Variants in PAPPA observed in about 807,000 individuals in gnomAD.
PAPPA encodes the protein pappalysin 1, also known as pappalysin-1.
In PAPPA, 60 loss-of-function variants were observed where a neutral mutation model predicts 164.0. The observed-to-expected ratio is 0.37, with a 90% CI of 0.30 to 0.45. The LOEUF (loss-of-function observed/expected upper bound fraction) is 0.45. Among genes scored for constraint, PAPPA ranks in the 20% least tolerant of loss-of-function variants. PAPPA has a pLI of 1.00. For missense variants in PAPPA, 1,782 were observed against 2,087.3 expected (o/e 0.85, Z 2.85); for synonymous variants, 875 against 814.1 (o/e 1.07, Z -1.27).
chr9:116,236,132 G>A (rs1844662303), intron 7 of PAPPA, among the ~76,000 whole-genome samples: 1 of 152,152 alleles, frequency 6.6e-6, no homozygotes, highest in African/African-American at 2.4e-5. Flanking sequence ...AATTGTGCTG[G>A]AAAGTGAATA....
intron 1 of PAPPA, among the ~76,000 whole-genome samples, chr9:116,175,739 T>C (rs1042153700): frequency 6.6e-6 from 1 of 152,038 alleles, no homozygotes; most frequent in Non-Finnish European, 1.5e-5. Context: ...TGATACAGGG[T>C]GGTGATAGAC....
Position 116,398,598 on chromosome 9 carries a change from G to A in PAPPA, c.*1982G>A, listed in dbSNP as rs1020449565. 9.8e-6 allele frequency: 12 copies of A among 1,227,664 alleles called. No homozygotes were observed. The African/African-American group carries it at 1.7e-4, about 17-fold the overall frequency. 76.0% of individuals were successfully genotyped at this position (1,227,664 alleles called of 1,614,324 possible). On this transcript the variant is annotated 3_prime_UTR_variant, in exon 22 of 22. Coordinates refer to ENST00000328252, the MANE Select transcript of PAPPA (RefSeq NM_002581.5). ...AGAAGACATCTATTGGCCATCTCTG[G>A]CCAATTACACTAAGAAACATATCAA...
Position 116,187,415 on chromosome 9 carries a change from G to C in PAPPA, c.677G>C (p.Gly226Ala). 6.2e-7 allele frequency: 1 copy of C among 1,614,056 alleles called. No homozygotes were observed. Among genetic ancestry groups the C allele is most frequent in the Non-Finnish European group, 8.5e-7 (1 of 1,180,030 alleles). ...QVATSGEQVG[G>A]IFSPLTQKCK... ...GCCACCTCTGGGGAACAAGTGGGTGGCATATTCAGCCCACTGACCCAGAAG... is the reference window on the plus strand; with the variant it reads ...GCCACCTCTGGGGAACAAGTGGGTGCCATATTCAGCCCACTGACCCAGAAG... Residue 226 changes from glycine (G) to alanine (A), a missense_variant, in exon 2 of 22, where the codon GGC (glycine) becomes GCC (alanine). By Grantham distance (60) the Gly-to-Ala change is moderately conservative (BLOSUM62 0). This residue lies in a region of PAPPA where 458 missense variants were observed against 430.3 expected (regional missense o/e 1.06). Transcript: ENST00000328252. The surrounding 1 kb of genome is among the most constrained non-coding windows in gnomAD (Gnocchi z 4.2).
intron 7 of PAPPA, among the ~76,000 whole-genome samples, chr9:116,261,428 A>G (rs1053330510): frequency 6.6e-6 from 1 of 152,128 alleles, no homozygotes; most frequent in Non-Finnish European, 1.5e-5. Flanking sequence ...TTCCTCCTAT[A>G]TGACTTTTTT....
chr9:116,305,455 CTT>C (rs1845634106), intron 10 of PAPPA, among the ~76,000 whole-genome samples: 1 of 83,108 alleles, frequency 1.2e-5, no homozygotes, highest in Admixed American at 1.6e-4. Context: ...TACTCTCCCT[CTT>C]CTCTCTCTCT....
At chr9:116,231,750 C>T (rs78970634) in intron 6 of PAPPA, among the ~76,000 whole-genome samples, 8 of 29,306 alleles carry the variant, frequency 2.7e-4, no homozygotes, top group Middle Eastern at 0.026. Context: ...AGTGGTTTTT[C>T]TTTTCTTTTC....
chr9:116,212,076 C>T (rs1004206345), intron 4 of PAPPA, 144 bp downstream of exon 4: 10 of 699,426 alleles, frequency 1.4e-5, no homozygotes, highest in Admixed American at 2.5e-5. Context: ...TAATGTCTTT[C>T]GGTCATTCTC....
At chr9:116,224,858 G>A (rs1844485776) in intron 5 of PAPPA, among the ~76,000 whole-genome samples, 1 of 152,116 alleles carries the variant, frequency 6.6e-6, no homozygotes, top group Non-Finnish European at 1.5e-5. Flanking sequence ...CCCAGCTTTG[G>A]TATCCTGCAT....
chr9:116,341,967 G>A lies in PAPPA; in HGVS notation c.3612-2576G>A, dbSNP rs541094730. On this transcript the variant is annotated intron_variant, in intron 13 of 21. Coordinates refer to ENST00000328252, the MANE Select transcript of PAPPA (RefSeq NM_002581.5). Reference sequence around the variant, plus strand: ...TTGTGCTCCTTCTACCCCAGAAAACGAAGCATTTCAGATCTTCATTTTCCT... The same window carrying A: ...TTGTGCTCCTTCTACCCCAGAAAACAAAGCATTTCAGATCTTCATTTTCCT... 7.9e-5 allele frequency among the ~76,000 whole-genome samples: 12 copies of A among 152,280 alleles called. 1 individual carries two copies. In the South Asian group the frequency reaches 8.3e-4, roughly 11 times the overall value.
At chr9:116,384,532 G>GTGA (rs543798234) in intron 21 of PAPPA, among the ~76,000 whole-genome samples, 26 of 152,204 alleles carry the variant, frequency 1.7e-4, no homozygotes, top group African/African-American at 6.0e-4. Context: ...TTATATGGCT[G>GTGA]TGATGTATGC....
Position 116,169,897 on chromosome 9 carries a change from C to T in PAPPA, c.415+15310C>T, listed in dbSNP as rs77902613. ...GTCTCAGTTACAACAGCATCATGAT[C>T]GATTGCTGATGTTATGACTTAGTAT... On this transcript the variant is annotated intron_variant, in intron 1 of 21. Coordinates refer to ENST00000328252, the MANE Select transcript of PAPPA (RefSeq NM_002581.5). Among the ~76,000 whole-genome samples, 944 of 151,998 alleles carry T rather than the reference C, an allele frequency of 6.2e-3. 36 individuals are homozygous for T. In the East Asian group the frequency reaches 0.11, roughly 17 times the overall value.
intron 1 of PAPPA, among the ~76,000 whole-genome samples, chr9:116,173,713 G>T (rs1341866919): frequency 6.6e-6 from 1 of 152,172 alleles, no homozygotes; most frequent in African/African-American, 2.4e-5. Flanking sequence ...CCTTGTGCTA[G>T]AAAGTCTTTG....
chr9:116,154,608 G>C lies in PAPPA; in HGVS notation c.415+21G>C. 7.5e-7 allele frequency: 1 copy of C among 1,332,324 alleles called. No homozygotes were observed. The highest frequency in any genetic ancestry group is 9.6e-7 in the Non-Finnish European group (1 of 1,042,368). 82.5% of individuals were successfully genotyped at this position (1,332,324 alleles called of 1,614,324 possible). On this transcript the variant is annotated intron_variant, in intron 1 of 21. Transcript: ENST00000328252. This position sits in a 1 kb window ranked among gnomAD's most constrained non-coding sequence, Gnocchi z 5.2. ...CACAGGTAGGTGAGGGCGCCTCGGC[G>C]GGCGCTGCACCGTCCCTGCGGCCCC...
rs941381823 is a variant in PAPPA, at chr9:116,248,971, T to C, written c.2732+13334T>C. Among the ~76,000 whole-genome samples, 6 of 152,304 alleles carry C rather than the reference T, an allele frequency of 3.9e-5. No homozygotes were observed. In the East Asian group the frequency reaches 7.7e-4, roughly 20 times the overall value. On this transcript the variant is annotated intron_variant, in intron 7 of 21. Coordinates refer to ENST00000328252, the MANE Select transcript of PAPPA (RefSeq NM_002581.5). ...TCTTACAGCATGGTCACTGCTCCTC[T>C]TGGGGCCTCAGCTCTCTTATCCTTA...
At chr9:116,199,846 G>A (rs532604069) in intron 2 of PAPPA, among the ~76,000 whole-genome samples, 1 of 152,242 alleles carries the variant, frequency 6.6e-6, no homozygotes, top group South Asian at 2.1e-4. Context: ...GGGAAGAGGA[G>A]CCAGCATATG....
At position 116,396,737 on chromosome 9, in the gene PAPPA, C is replaced by T. The variant is rs1429967511; in HGVS notation, c.*121C>T. ...CACACCAGGGATCCTTAGCACCCAA[C>T]CGGTCTGCCTTTAATTTTACCCAGG... is the stretch of plus-strand genomic sequence containing the variant. On this transcript the variant is annotated 3_prime_UTR_variant, in exon 22 of 22. Transcript: ENST00000328252. 1.6e-6 allele frequency: 1 copy of T among 644,380 alleles called. No individual in the cohort carries two copies. Among genetic ancestry groups the T allele is most frequent in the East Asian group, 2.6e-5 (1 of 38,062 alleles). 39.9% of individuals were successfully genotyped at this position (644,380 alleles called of 1,614,324 possible).
At chr9:116,218,496 C>T (rs118036538) in intron 4 of PAPPA, among the ~76,000 whole-genome samples, 24 of 152,280 alleles carry the variant, frequency 1.6e-4, no homozygotes, top group Non-Finnish European at 3.1e-4. Context: ...TAAGCCAAAA[C>T]AGTGCATTGC....
intron 1 of PAPPA, among the ~76,000 whole-genome samples, chr9:116,183,736 C>T (rs1003598780): frequency 6.6e-6 from 1 of 152,268 alleles, no homozygotes; most frequent in Non-Finnish European, 1.5e-5. Context: ...CTTTTTGGTT[C>T]CATTGAAAAC....
Position 116,154,145 on chromosome 9 carries a change from G to A in PAPPA, c.-28G>A. 1.0e-6 allele frequency: 1 copy of A among 966,594 alleles called. No individual in the cohort carries two copies. The highest frequency in any genetic ancestry group is 1.4e-6 in the Non-Finnish European group (1 of 712,744). 59.9% of individuals were successfully genotyped at this position (966,594 alleles called of 1,614,324 possible). ...CAGCTCCGGGTGGCGGTGCAGGGGC[G>A]AAGGGGGGGCGGGGGGAACCGTCGG... On this transcript the variant is annotated 5_prime_UTR_variant, in exon 1 of 22. Coordinates refer to ENST00000328252, the MANE Select transcript of PAPPA (RefSeq NM_002581.5). This position sits in a 1 kb window ranked among gnomAD's most constrained non-coding sequence, Gnocchi z 5.2.
Sources: gnomAD v4.1 joint callset for allele counts (sites outside exome capture counted in the v4.1 genomes callset) on GRCh38, gnomAD v4.1.1 for gene constraint, gnomAD v4.1.1 regional missense constraint, Gnocchi (gnomAD v3.1) non-coding constraint, MANE v1.5 for transcripts, NCBI Gene and HGNC (gene_info 2026-07-23, HGNC 2026-07-21) for gene names.